Variants in SNED1 observed in about 807,000 individuals in gnomAD.
SNED1 encodes the protein sushi, nidogen and EGF like domains 1, also known as sushi, nidogen and EGF-like domain-containing protein 1.
In SNED1, 81 loss-of-function variants were observed where a neutral mutation model predicts 166.7. That is an observed-to-expected ratio of 0.49 (90% CI 0.41 to 0.58). SNED1 has a LOEUF of 0.58. SNED1 is among the 20% of genes least tolerant of loss of function. The pLI is 0.00. For missense variants in SNED1, 1,604 were observed against 2,000.2 expected (o/e 0.80, Z 3.78); for synonymous variants, 762 against 822.0 (o/e 0.93, Z 1.25).
At chr2:241,007,762 CT>C in intron 1 of SNED1, among the ~76,000 whole-genome samples, 1 of 152,314 alleles carries the variant, frequency 6.6e-6, no homozygotes. Flanking sequence ...CCTAACTTTT[CT>C]GTGAAAACAT....
chr2:241,001,208 C>T (rs79809862), intron 1 of SNED1, among the ~76,000 whole-genome samples: 12,917 of 152,314 alleles, frequency 0.085, 684 homozygotes, highest in Middle Eastern at 0.14. Context: ...TCCTCCGCCC[C>T]CAGCCTGTCG....
At chr2:241,014,013 TC>T (rs1271895231) in intron 1 of SNED1, among the ~76,000 whole-genome samples, 4 of 151,938 alleles carry the variant, frequency 2.6e-5, no homozygotes, top group Admixed American at 6.6e-5. Flanking sequence ...TTTTTTCTTT[TC>T]TTTTTTTTTT....
At chr2:241,087,721 C>T in intron 30 of SNED1, 3 of 1,341,984 alleles carry the variant, frequency 2.2e-6, no homozygotes, top group Non-Finnish European at 2.9e-6. Context: ...TCTGGTTATG[C>T]ATATTCACAC....
At chr2:241,065,665 C>T in intron 21 of SNED1, 70 bp downstream of exon 21, 1 of 1,355,566 alleles carries the variant, frequency 7.4e-7, no homozygotes, top group African/African-American at 1.5e-5. Context: ...GCCCCGGCAC[C>T]TGCAGGGCGG....
intron 8 of SNED1, among the ~76,000 whole-genome samples, chr2:241,042,006 CCCT>C (rs1415166605): frequency 1.3e-5 from 2 of 152,180 alleles, no homozygotes; most frequent in African/African-American, 2.4e-5. Flanking sequence ...ATGAGGTGAG[CCCT>C]ACAATTGCCC....
intron 27 of SNED1, among the ~76,000 whole-genome samples, chr2:241,078,226 T>C (rs2063131239): frequency 1.3e-5 from 2 of 151,302 alleles, no homozygotes; most frequent in Non-Finnish European, 2.9e-5. Context: ...CTACTAAAAA[T>C]ACAAAAATTA....
At position 241,073,955 on chromosome 2, in the gene SNED1, T is replaced by C; in HGVS notation, c.3916+591T>C. 1 of 156,460 alleles carries C rather than the reference T, an allele frequency of 6.4e-6. No individual in the cohort carries two copies. The highest frequency in any genetic ancestry group is 2.0e-4 in the South Asian group (1 of 5,004). The allele number at this position is 156,460 out of a possible 1,614,324, so 9.7% of individuals were successfully genotyped here. On this transcript the variant is annotated intron_variant, in intron 27 of 31. Coordinates refer to ENST00000310397, the MANE Select transcript of SNED1 (RefSeq NM_001080437.3). The surrounding 1 kb of genome is among the most constrained non-coding windows in gnomAD (Gnocchi z 6.6). ...CCAGACGCTCACGAGGCAGTTCCCC[T>C]TCGGGCAGCACCAATACATGTGTGT...
chr2:241,020,482 G>A (rs959885880), intron 1 of SNED1, among the ~76,000 whole-genome samples: 12 of 152,194 alleles, frequency 7.9e-5, no homozygotes, highest in East Asian at 1.9e-4. Context: ...GCACTGGACC[G>A]GAAGGTGAGC....
chr2:241,029,000 G>A (rs190354405), intron 1 of SNED1, among the ~76,000 whole-genome samples: 1 of 152,282 alleles, frequency 6.6e-6, no homozygotes, highest in East Asian at 1.9e-4. Context: ...GTTTTCCTTT[G>A]CCTCTGTGTA....
chr2:241,074,610 G>C (rs536982925), intron 27 of SNED1: 47 of 152,286 alleles, frequency 3.1e-4, no homozygotes, highest in African/African-American at 1.0e-3. Flanking sequence ...AGGTCACCAC[G>C]GTCATGTGGT....
At chr2:241,042,813 A>C (rs2061553423) in intron 8 of SNED1, among the ~76,000 whole-genome samples, 1 of 152,268 alleles carries the variant, frequency 6.6e-6, no homozygotes, top group South Asian at 2.1e-4. Flanking sequence ...TTCAATATGC[A>C]TCACAGAGAG....
rs567018421 is a variant in SNED1 at position 241,017,049 on chromosome 2, C to A, written c.214-13235C>A. Among the ~76,000 whole-genome samples the A allele has an allele frequency of 2.6e-5, 4 of 151,978 alleles. No homozygotes were observed. The East Asian group carries it at 5.8e-4, about 22-fold the overall frequency. On this transcript the variant is annotated intron_variant, in intron 1 of 31. Coordinates refer to ENST00000310397, the MANE Select transcript of SNED1 (RefSeq NM_001080437.3). ...TATTTTTAGTAGAGACGGGGTTTCT[C>A]CATGTTGGTCAGGCTGGTCTCGAAC...
At chr2:241,065,250 G>A in intron 20 of SNED1, 49 bp from the exon 21 acceptor site, 1 of 1,599,210 alleles carries the variant, frequency 6.3e-7, no homozygotes. Context: ...GGCATGCATA[G>A]CTAACGGCTG....
At chr2:241,048,996 G>T in intron 10 of SNED1, 26 bp from the exon 11 acceptor site, 1 of 1,575,366 alleles carries the variant, frequency 6.3e-7, no homozygotes, top group Non-Finnish European at 8.7e-7. Context: ...TGGAATATGG[G>T]ATGGGGCTTC....
Position 241,068,049 on chromosome 2 carries a change from T to G in SNED1, c.3194+102T>G. 1 of 1,101,232 alleles carries G rather than the reference T, an allele frequency of 9.1e-7. No individual in the cohort carries two copies. The highest frequency in any genetic ancestry group is 1.3e-6 in the Non-Finnish European group (1 of 783,656). The allele number at this position is 1,101,232 out of a possible 1,614,324, so 68.2% of individuals were successfully genotyped here. On this transcript the variant is annotated intron_variant, in intron 22 of 31. Coordinates refer to ENST00000310397, the MANE Select transcript of SNED1 (RefSeq NM_001080437.3). This position sits in a 1 kb window ranked among gnomAD's most constrained non-coding sequence, Gnocchi z 5.3. ...GGGCACATTCTCCGTGTGTGGACTG[T>G]ACCACCTGCCGCTCCTCACCTGAGC...
chr2:241,057,673 C>G (rs536491700), intron 16 of SNED1, among the ~76,000 whole-genome samples: 6 of 151,978 alleles, frequency 3.9e-5, no homozygotes, highest in African/African-American at 1.4e-4. Flanking sequence ...GACAGCAAGA[C>G]CCTGTCTCTA....
intron 1 of SNED1, among the ~76,000 whole-genome samples, chr2:241,012,379 A>T (rs1024145751): frequency 2.6e-5 from 4 of 152,338 alleles, no homozygotes; most frequent in African/African-American, 9.6e-5. Context: ...CCAGGCCGAG[A>T]GCAGACGCTG....
In SNED1 at chr2:241,018,512, C is replaced by G. The variant is rs2060669820; in HGVS notation, c.214-11772C>G. ...CCCGGGGTCTAAGGTGGTCCCTGGT[C>G]AGGAGCCGGGACTGGCGTTCTCTCT... On this transcript the variant is annotated intron_variant, in intron 1 of 31. Transcript: ENST00000310397. The surrounding 1 kb of genome is among the most constrained non-coding windows in gnomAD (Gnocchi z 5.4). 6.6e-6 allele frequency among the ~76,000 whole-genome samples: 1 copy of G among 152,356 alleles called. No homozygotes were observed. The highest frequency in any genetic ancestry group is 2.1e-4 in the South Asian group (1 of 4,824).
intron 1 of SNED1, among the ~76,000 whole-genome samples, 170 bp from the exon 2 acceptor site, chr2:241,030,114 T>G (rs1333828351): frequency 6.6e-6 from 1 of 152,214 alleles, no homozygotes; most frequent in Non-Finnish European, 1.5e-5. Context: ...GAGCAGGCCA[T>G]GCTGGGCCCA....
Sources: gnomAD v4.1 joint callset for allele counts (sites outside exome capture counted in the v4.1 genomes callset) on GRCh38, gnomAD v4.1.1 for gene constraint, Gnocchi (gnomAD v3.1) non-coding constraint, MANE v1.5 for transcripts, NCBI Gene and HGNC (gene_info 2026-07-23, HGNC 2026-07-21) for gene names.